KREMEN1: variants seen among roughly 807,000 people sequenced by gnomAD.
KREMEN1 encodes the protein kringle containing transmembrane protein 1, also known as kremen protein 1.
KREMEN1 carries 30 observed loss-of-function variants against 46.5 expected under a neutral mutation model. The observed-to-expected ratio is 0.65, with a 90% confidence interval of 0.48 to 0.88. The LOEUF (loss-of-function observed/expected upper bound fraction) is 0.88, where lower values mean the gene tolerates loss of function less well. Ranked by LOEUF, KREMEN1 falls within the 40% of genes least tolerant of loss-of-function variation. KREMEN1 has a pLI of 0.00. For missense variants in KREMEN1, 533 were observed against 596.9 expected (o/e 0.89, Z 1.11); for synonymous variants, 214 against 230.6 (o/e 0.93, Z 0.65).
intron 9 of KREMEN1, among the ~76,000 whole-genome samples, chr22:29,152,544 C>T (rs2038922862): frequency 6.6e-6 from 1 of 152,194 alleles, no homozygotes; most frequent in South Asian, 2.1e-4. Context: ...GCCTGCCCTT[C>T]TGTGCGCTGA....
In KREMEN1 at chr22:29,143,746, A is replaced by G. The variant is rs1601814478; in HGVS notation, c.*1634A>G. 1.0e-6 allele frequency: 1 copy of G among 985,380 alleles called. No homozygotes were observed. Among genetic ancestry groups the G allele is most frequent in the African/African-American group, 1.7e-5 (1 of 57,284 alleles). The allele number at this position is 985,380 out of a possible 1,614,324, so 61.0% of individuals were successfully genotyped here. A position where few individuals can be genotyped will look rare whatever the true frequency, so the allele number is the denominator to read the frequency against. ...GACAGTGCAAGACTCTGTCTCAAAA[A>G]AAAAAAAAACACTCCAAGGGCCATC... is the stretch of plus-strand genomic sequence containing the variant. On this transcript the variant is annotated 3_prime_UTR_variant, in exon 9 of 9. Coordinates refer to ENST00000400335, the MANE Select transcript of KREMEN1 (RefSeq NM_001039570.3).
chr22:29,142,313 C>A lies in KREMEN1; in HGVS notation c.*201C>A, dbSNP rs539848829. The A allele has an allele frequency of 7.7e-7, 1 of 1,303,788 alleles. No individual in the cohort carries two copies. The allele number at this position is 1,303,788 out of a possible 1,614,324, so 80.8% of individuals were successfully genotyped here. A position where few individuals can be genotyped will look rare whatever the true frequency, so the allele number is the denominator to read the frequency against. Reference sequence around the variant, plus strand: ...AGAGCCTGGATTCCTCCTGCTTCATCGATTGCACTTAGGAGAGAGACTCAA... The same window carrying A: ...AGAGCCTGGATTCCTCCTGCTTCATAGATTGCACTTAGGAGAGAGACTCAA... On this transcript the variant is annotated 3_prime_UTR_variant, in exon 9 of 9. Transcript: ENST00000400335.
In KREMEN1 at chr22:29,143,933, C is replaced by A. The variant is rs957113982; in HGVS notation, c.*1821C>A. 1 of 985,152 alleles carries A rather than the reference C, an allele frequency of 1.0e-6. No individual in the cohort carries two copies. The highest frequency in any genetic ancestry group is 6.1e-5 in the Admixed American group (1 of 16,262). The allele number at this position is 985,152 out of a possible 1,614,324, so 61.0% of individuals were successfully genotyped here. A position where few individuals can be genotyped will look rare whatever the true frequency, so the allele number is the denominator to read the frequency against. On this transcript the variant is annotated 3_prime_UTR_variant, in exon 9 of 9. Coordinates refer to ENST00000400335, the MANE Select transcript of KREMEN1 (RefSeq NM_001039570.3). ...GAGGGTGGGTTTGGGAATTGGAGCT[C>A]CTCCAAGGAGCTCCTCCTAAGATTG...
chr22:29,087,347 A>T lies in KREMEN1; in HGVS notation c.98-6911A>T, dbSNP rs554804659. 2.6e-5 allele frequency among the ~76,000 whole-genome samples: 4 copies of T among 152,328 alleles called. No homozygotes were observed. In the East Asian group the frequency reaches 7.7e-4, roughly 29 times the overall value. ...GGATTAAAAAAAAACAATGACTCTC[A>T]TAAGCATCATATGTAGAGATCTAAC... On this transcript the variant is annotated intron_variant, in intron 1 of 8. Coordinates refer to ENST00000400335, the MANE Select transcript of KREMEN1 (RefSeq NM_001039570.3).
intron 2 of KREMEN1, among the ~76,000 whole-genome samples, chr22:29,096,556 G>A (rs763283000): frequency 2.0e-5 from 3 of 152,076 alleles, no homozygotes; most frequent in East Asian, 1.9e-4. Flanking sequence ...AAACCCTCTC[G>A]TTTGATTTGA....
chr22:29,163,145 C>A (rs1445361434), intron 9 of KREMEN1, among the ~76,000 whole-genome samples: 1 of 152,038 alleles, frequency 6.6e-6, no homozygotes, highest in African/African-American at 2.4e-5. Context: ...CCCACCGCCC[C>A]GCCGTTCTCG....
intron 5 of KREMEN1, among the ~76,000 whole-genome samples, chr22:29,126,134 G>A (rs1009109496): frequency 8.7e-5 from 13 of 149,470 alleles, no homozygotes; most frequent in African/African-American, 2.7e-4. Flanking sequence ...AAAAAGGCTC[G>A]AGATTACCAA....
intron 3 of KREMEN1, among the ~76,000 whole-genome samples, chr22:29,112,364 G>T (rs1054025743): frequency 6.6e-6 from 1 of 152,130 alleles, no homozygotes; most frequent in African/African-American, 2.4e-5. Flanking sequence ...CTCTGAGAAG[G>T]TGCTGTGGGT....
At chr22:29,106,326 T>G (rs1157733337) in intron 3 of KREMEN1, among the ~76,000 whole-genome samples, 1 of 151,984 alleles carries the variant, frequency 6.6e-6, no homozygotes, top group Non-Finnish European at 1.5e-5. Context: ...GTTCACGCCA[T>G]TCTCCTGCCT....
intron 9 of KREMEN1, among the ~76,000 whole-genome samples, chr22:29,166,333 C>A (rs920418562): frequency 1.3e-5 from 2 of 151,788 alleles, no homozygotes; most frequent in African/African-American, 4.8e-5. Context: ...GGTGTCTGCT[C>A]GTGTGGAGCC....
chr22:29,167,747 G>C (rs947140746), exon 10 of KREMEN1: 1 of 152,252 alleles, frequency 6.6e-6, no homozygotes. Flanking sequence ...CAAGTGGCAC[G>C]TTGGTTTCCT....
intron 1 of KREMEN1, among the ~76,000 whole-genome samples, chr22:29,088,114 C>T (rs2037755413): frequency 6.6e-6 from 1 of 152,030 alleles, no homozygotes; most frequent in Admixed American, 6.6e-5. Context: ...GTATCTTTTT[C>T]CCTTACCGCT....
chr22:29,075,085 C>T (rs2037545743), intron 1 of KREMEN1, among the ~76,000 whole-genome samples: 1 of 152,148 alleles, frequency 6.6e-6, no homozygotes, highest in South Asian at 2.1e-4. Flanking sequence ...AAACCTGAGG[C>T]TCAGTAAGTG....
chr22:29,075,998 T>C (rs1053185198), intron 1 of KREMEN1, among the ~76,000 whole-genome samples: 1 of 152,178 alleles, frequency 6.6e-6, no homozygotes, highest in African/African-American at 2.4e-5. Context: ...TAAGATTCTC[T>C]TCCTTCCTTC....
At chr22:29,162,829 T>C (rs1270929630) in intron 9 of KREMEN1, among the ~76,000 whole-genome samples, 1 of 152,182 alleles carries the variant, frequency 6.6e-6, no homozygotes, top group Admixed American at 6.5e-5. Context: ...GCGGCACTAT[T>C]CACAATAGCA....
intron 8 of KREMEN1, among the ~76,000 whole-genome samples, chr22:29,141,266 T>A (rs2038757623): frequency 6.6e-6 from 1 of 150,492 alleles, no homozygotes; most frequent in African/African-American, 2.5e-5. Context: ...TGTGCATGTG[T>A]GTGTGTGTGT....
At chr22:29,113,662 A>G (rs1011565747) in intron 3 of KREMEN1, among the ~76,000 whole-genome samples, 2 of 152,230 alleles carry the variant, frequency 1.3e-5, no homozygotes, top group African/African-American at 4.8e-5. Context: ...TGGAGAGGCC[A>G]GAATTTACCC....
intron 1 of KREMEN1, among the ~76,000 whole-genome samples, chr22:29,074,369 C>T (rs2037532537): frequency 6.6e-6 from 1 of 152,238 alleles, no homozygotes; most frequent in Non-Finnish European, 1.5e-5. Context: ...CGCCGAGCTC[C>T]GTGTTTTGGG....
Position 29,141,930 on chromosome 22 carries a change from T to C in KREMEN1, c.1209-14T>C. On this transcript the variant is annotated splice_polypyrimidine_tract_variant and intron_variant, in intron 8 of 8. Transcript: ENST00000400335. ...GTTCTAATCTATTGGAAAAAATATT[T>C]ATCTGCTTGACAGATCCCATCGTGT... The C allele has an allele frequency of 6.4e-7, 1 of 1,560,772 alleles. No homozygotes were observed. The highest frequency in any genetic ancestry group is 1.7e-4 in the Middle Eastern group (1 of 5,806).
Sources: allele counts gnomAD v4.1 joint callset (sites outside exome capture counted in the v4.1 genomes callset), GRCh38; gene constraint gnomAD v4.1.1; transcripts MANE v1.5; gene names NCBI Gene and HGNC (gene_info 2026-07-23, HGNC 2026-07-21).